WNK4: variants seen among roughly 807,000 people sequenced by gnomAD.
WNK4 encodes serine/threonine-protein kinase WNK4.
A neutral mutation model predicts 116.2 loss-of-function variants in WNK4; 94 were observed. The ratio of observed to expected loss-of-function variants is 0.81; its 90% CI spans 0.68 to 0.96. The LOEUF (loss-of-function observed/expected upper bound fraction) is 0.96, where lower values mean the gene tolerates loss of function less well. Ranked by LOEUF, WNK4 falls within the 40% of genes least tolerant of loss-of-function variation. The pLI is 0.00. For synonymous variants in WNK4, 655 were observed against 672.7 expected, an observed-to-expected ratio of 0.97 and a Z score of 0.41; for missense variants, 1,542 against 1,650.6, an observed-to-expected ratio of 0.93 and a Z score of 1.14.
intron 12 of WNK4, chr17:42,793,962 CCT>C (rs1426956395): frequency 1.0e-5 from 5 of 483,608 alleles, no homozygotes; most frequent in Non-Finnish European, 1.5e-5. Flanking sequence ...ACGCCATTCT[CCT>C]GTCCCAGCCT....
At chr17:42,794,105 C>T (rs180689314) in intron 12 of WNK4, 4 of 333,662 alleles carry the variant, frequency 1.2e-5, no homozygotes, top group East Asian at 8.3e-5. Context: ...CCGCCCTCCT[C>T]GGCCTCCCAA....
chr17:42,793,793 C>T, intron 12 of WNK4, 64 bp downstream of exon 12: 1 of 1,603,558 alleles, frequency 6.2e-7, no homozygotes, highest in Non-Finnish European at 8.5e-7. Context: ...TTATTACTCT[C>T]TGCCCTCAGC....
chr17:42,791,141 C>T (rs2054602782), intron 11 of WNK4, among the ~76,000 whole-genome samples: 1 of 152,138 alleles, frequency 6.6e-6, no homozygotes, highest in African/African-American at 2.4e-5. Context: ...ACCCCATGCA[C>T]CCAGAGTCCT....
Position 42,781,114 on chromosome 17 carries a change from C to T in WNK4, c.416C>T (p.Pro139Leu), listed in dbSNP as rs1183881802. ...GCAGTGGGCCCGGGGTCCAGGGAGC[C>T]GCTAAGGGTCCCTGAAGCTGTGGCC... The part of the protein sequence containing the change: ...DSAVGPGSRE[P>L]LRVPEAVALE... The change falls in exon 1 of 19, where the codon CCG (proline) becomes CTG (leucine). Residue 139 changes from proline (P) to leucine (L), a missense_variant. Pro to Leu is a moderately conservative substitution (Grantham distance 98, BLOSUM62 -3). Around this residue, in one of 7 missense-constraint regions of WNK4, gnomAD observed 243 missense variants for 217.8 expected, o/e 1.12. Transcript: ENST00000246914. 1 of 1,613,850 alleles carries T rather than the reference C, an allele frequency of 6.2e-7. No homozygotes were observed. Among genetic ancestry groups the T allele is most frequent in the Non-Finnish European group, 8.5e-7 (1 of 1,179,900 alleles).
Position 42,785,436 on chromosome 17 carries a change from T to C in WNK4, c.1430T>C (p.Leu477Pro), listed in dbSNP as rs1222353404. 6.4e-7 allele frequency: 1 copy of C among 1,558,942 alleles called. No homozygotes were observed. Among genetic ancestry groups the C allele is most frequent in the Non-Finnish European group, 8.7e-7 (1 of 1,150,954 alleles). The change falls in exon 6 of 19, where the codon CTG (leucine) becomes CCG (proline). Residue 477 changes from leucine (L) to proline (P), a missense_variant. Leu to Pro is a moderately conservative substitution (Grantham distance 98, BLOSUM62 -3). Transcript: ENST00000246914. ...CGGGACAACCAGGCCATCGAGTTCC[T>C]GTTCCAGCTGGGCCGGGACGCGGCC... The part of the protein sequence containing the change: ...RPRDNQAIEF[L>P]FQLGRDAAEE...
chr17:42,783,460 T>C, intron 2 of WNK4: 1 of 273,572 alleles, frequency 3.7e-6, no homozygotes, highest in South Asian at 4.2e-5. Flanking sequence ...ACAGCCTCAC[T>C]TTCAGCCTAA....
Position 42,788,397 on chromosome 17 carries a change from G to A in WNK4, c.2030G>A (p.Arg677Gln), listed in dbSNP as rs772583212. The change falls in exon 10 of 19, where the codon CGG becomes CAG. Residue 677 changes from arginine (R) to glutamine (Q), a missense_variant. This residue lies in a region of WNK4 where 808 missense variants were observed against 873.6 expected (regional missense o/e 0.92). Coordinates refer to ENST00000246914, the MANE Select transcript of WNK4 (RefSeq NM_032387.5). Reference sequence around the variant, plus strand: ...CGGCGCAGACCCCGATCCCGGCTGCGGGTCACTAGTGTAAGGATGGAGTAC... The same window carrying A: ...CGGCGCAGACCCCGATCCCGGCTGCAGGTCACTAGTGTAAGGATGGAGTAC... The part of the protein sequence containing the change: ...NLRRRPRSRL[R>Q]VTSVSDQNDR... 74 of 1,612,484 alleles carry A rather than the reference G, an allele frequency of 4.6e-5. No individual in the cohort carries two copies. The highest frequency in any genetic ancestry group is 6.7e-5 in the African/African-American group (5 of 74,840).
At position 42,785,407 on chromosome 17, in the gene WNK4, C is replaced by T. The variant is rs375945297; in HGVS notation, c.1401C>T (p.Arg467=). 17 of 1,573,306 alleles carry T rather than the reference C, an allele frequency of 1.1e-5. No homozygotes were observed. Among genetic ancestry groups the T allele is most frequent in the Non-Finnish European group, 1.4e-5 (16 of 1,159,132 alleles). The part of the protein sequence containing the change: ...LRMEDARRGG[R]PRDNQAIEFL... ...TGGAGGACGCGCGGCGCGGGGGGCG[C>T]CCACGGGACAACCAGGCCATCGAGT... Residue 467 remains arginine (R), a synonymous_variant, in exon 6 of 19, where the codon CGC becomes CGT. Coordinates refer to ENST00000246914, the MANE Select transcript of WNK4 (RefSeq NM_032387.5).
intron 2 of WNK4, 149 bp from the exon 3 acceptor site, chr17:42,783,788 C>A (rs747916581): frequency 2.6e-6 from 2 of 767,664 alleles, no homozygotes; most frequent in South Asian, 1.6e-5. Flanking sequence ...CAGTTTCTCC[C>A]TGGGGCCGGG....
chr17:42,788,229 TGGGGCACTG>T (rs759187331), intron 9 of WNK4, 41 bp downstream of exon 9: 2 of 1,612,988 alleles, frequency 1.2e-6, no homozygotes, highest in Non-Finnish European at 1.7e-6. Context: ...GTGAGACACC[TGGGGCACTG>T]GGGTCCCAGT....
Position 42,782,925 on chromosome 17 carries a change from C to G in WNK4, c.786C>G (p.Leu262=). 1.2e-6 allele frequency: 2 copies of G among 1,614,014 alleles called. No homozygotes were observed. The highest frequency in any genetic ancestry group is 1.7e-6 in the Non-Finnish European group (2 of 1,179,986). ...LVTELMTSGT[L]KTYLRRFREM... is the part of the protein sequence containing the mutation. ...CCGAACTCATGACCTCGGGCACGCT[C>G]AAGACGTGAGCTCTGCGCATGAGTG... Residue 262 remains leucine (L), a synonymous_variant, in exon 2 of 19, where the codon CTC becomes CTG. Transcript: ENST00000246914. This position sits in a 1 kb window ranked among gnomAD's most constrained non-coding sequence, Gnocchi z 4.2.
At position 42,780,944 on chromosome 17, in the gene WNK4, C is replaced by T; in HGVS notation, c.246C>T (p.Asp82=). 3 of 1,609,098 alleles carry T rather than the reference C, an allele frequency of 1.9e-6. No homozygotes were observed. The highest frequency in any genetic ancestry group is 2.2e-5 in the South Asian group (2 of 91,028). ...CCCTGCCAGCCTCACCCGCTCCGGA[C>T]CCCCCCGATCCTCCGGACTCCGCTG... ...SWSLPASPAP[D]PPDPPDSAGP... is the part of the protein sequence containing the mutation. The change falls in exon 1 of 19, where the codon GAC becomes GAT. Residue 82 remains aspartate (D), a synonymous_variant. Coordinates refer to ENST00000246914, the MANE Select transcript of WNK4 (RefSeq NM_032387.5).
rs1192199903 is a variant in WNK4, at chr17:42,795,842, G to A, written c.3240G>A (p.Leu1080=). ...AGAGCGACCGTGCAGCTGAGGGTCT[G>A]GGGGCTGGAGTTGAGGAGGAAGGAG... ...LAESDRAAEG[L]GAGVEEEGDD... is the part of the protein sequence containing the mutation. The change falls in exon 16 of 19, where the codon CTG becomes CTA. Residue 1080 remains leucine, a synonymous_variant. Transcript: ENST00000246914. 6.2e-7 allele frequency: 1 copy of A among 1,613,794 alleles called. No individual in the cohort carries two copies.
Position 42,795,207 on chromosome 17 carries a change from C to T in WNK4, c.2786C>T (p.Ala929Val). ...GCCCCTCTCCTTTCTCTGGCTAGTGCCTTCTCACTGGCTGTGATGACTGTG... is the reference window on the plus strand; with the variant it reads ...GCCCCTCTCCTTTCTCTGGCTAGTGTCTTCTCACTGGCTGTGATGACTGTG... ...TAAPLLSLAS[A>V]FSLAVMTVAQ... Residue 929 changes from alanine to valine, a missense_variant, in exon 14 of 19, where the codon GCC becomes GTC. By Grantham distance (64) the Ala-to-Val change is moderately conservative (BLOSUM62 0). Coordinates refer to ENST00000246914, the MANE Select transcript of WNK4 (RefSeq NM_032387.5). 1 of 1,614,044 alleles carries T rather than the reference C, an allele frequency of 6.2e-7. No individual in the cohort carries two copies. The highest frequency in any genetic ancestry group is 1.1e-5 in the South Asian group (1 of 91,072).
At chr17:42,788,932 C>T (rs1042659483) in intron 11 of WNK4, 135 bp downstream of exon 11, 38 of 764,778 alleles carry the variant, frequency 5.0e-5, no homozygotes, top group Admixed American at 2.3e-4. Context: ...AGCACAGTAA[C>T]GCTGAAGATG....
intron 11 of WNK4, among the ~76,000 whole-genome samples, chr17:42,790,166 G>A (rs1382990770): frequency 2.0e-5 from 3 of 152,156 alleles, no homozygotes; most frequent in East Asian, 1.9e-4. Context: ...TTATGGGAGG[G>A]AAGAGGAGAA....
chr17:42,794,019 A>AT (rs905184567), intron 12 of WNK4: 18 of 370,412 alleles, frequency 4.9e-5, no homozygotes, highest in Admixed American at 3.7e-4. Flanking sequence ...CACCCGGCTA[A>AT]TTTTTTTTGT....
Position 42,795,263 on chromosome 17 carries a change from C to A in WNK4, c.2842C>A (p.Leu948Ile), listed in dbSNP as rs372807256. Residue 948 changes from leucine (L) to isoleucine (I), a missense_variant, in exon 14 of 19, where the codon CTC becomes ATC. Physicochemically the swap from Leu to Ile is conservative, Grantham distance 5. Transcript: ENST00000246914. ...AQSLLSPSPG[L>I]LSQSPPAPPS... ...GTCCCTGCTGTCCCCCTCACCTGGG[C>A]TCCTTTCCCAGTCTCCTCCAGCCCC... 304 of 1,613,878 alleles carry A rather than the reference C, an allele frequency of 1.9e-4. 2 individuals carry two copies. The highest frequency in any genetic ancestry group is 1.7e-3 in the South Asian group (156 of 91,076).
At chr17:42,792,494 C>T (rs1430654279) in intron 11 of WNK4, among the ~76,000 whole-genome samples, 2 of 152,210 alleles carry the variant, frequency 1.3e-5, no homozygotes, top group African/African-American at 2.4e-5. Flanking sequence ...GGTTTTCTTA[C>T]CTTGCAAATC....
Sources: gnomAD v4.1 joint callset for allele counts (sites outside exome capture counted in the v4.1 genomes callset) on GRCh38, gnomAD v4.1.1 for gene constraint, gnomAD v4.1.1 regional missense constraint, Gnocchi (gnomAD v3.1) non-coding constraint, MANE v1.5 for transcripts, NCBI Gene and HGNC (gene_info 2026-07-23, HGNC 2026-07-21) for gene names.